AP5Z1: variants seen among roughly 807,000 people sequenced by gnomAD.
AP5Z1 encodes the protein adaptor related protein complex 5 subunit zeta 1.
A neutral mutation model predicts 83.0 loss-of-function variants in AP5Z1; 106 were observed. That is an observed-to-expected ratio of 1.28 (90% confidence interval 1.09 to 1.50). The LOEUF (loss-of-function observed/expected upper bound fraction) is 1.50. AP5Z1 is among the 40% of genes most tolerant of loss of function. The pLI is 0.00. For synonymous variants in AP5Z1, 751 were observed against 514.1 expected, an observed-to-expected ratio of 1.46 and a Z score of -6.23; for missense variants, 1,565 against 1,094.2, an observed-to-expected ratio of 1.43 and a Z score of -6.07.
intron 1 of AP5Z1, among the ~76,000 whole-genome samples, chr7:4,778,964 C>G (rs1438982151): frequency 6.8e-6 from 1 of 146,410 alleles, no homozygotes; most frequent in Non-Finnish European, 1.5e-5. Flanking sequence ...GCTAGAAGAT[C>G]AGGCTGCAGT....
Position 4,785,574 on chromosome 7 carries a change from C to T in AP5Z1, c.1022C>T (p.Ser341Phe). Reference sequence around the variant, plus strand: ...GACGTGCTGTGCCGGCAGGACCCGTCCTTCCTGTACCGAAGTCTCTCCTGC... The same window carrying T: ...GACGTGCTGTGCCGGCAGGACCCGTTCTTCCTGTACCGAAGTCTCTCCTGC... ...VLDVLCRQDPSFLYRSLSCLK... is the reference protein window; with the variant it reads ...VLDVLCRQDPFFLYRSLSCLK... The change falls in exon 9 of 17, where the codon TCC becomes TTC. Residue 341 changes from serine to phenylalanine, a missense_variant. Physicochemically the swap from Ser to Phe is radical, Grantham distance 155. Transcript: ENST00000649063. 2 of 1,607,698 alleles carry T rather than the reference C, an allele frequency of 1.2e-6. No individual in the cohort carries two copies. The highest frequency in any genetic ancestry group is 1.7e-6 in the Non-Finnish European group (2 of 1,178,104).
At position 4,789,831 on chromosome 7, in the gene AP5Z1, G is replaced by C. The variant is rs1333021554; in HGVS notation, c.1708-1G>C. 2 of 1,551,312 alleles carry C rather than the reference G, an allele frequency of 1.3e-6. No homozygotes were observed. The highest frequency in any genetic ancestry group is 2.7e-5 in the African/African-American group (2 of 73,042). The stretch of plus-strand genomic sequence containing the variant: ...GCCTGTTTCCCACTCCTGACCCCCA[G>C]GTGGCTGACGGGTCCCTGATCAACC... On this transcript the variant is annotated splice_acceptor_variant, in intron 13 of 16. Coordinates refer to ENST00000649063, the MANE Select transcript of AP5Z1 (RefSeq NM_014855.3). LOFTEE classifies it high-confidence loss of function.
At chr7:4,777,166 GAT>G (rs59162658) in intron 1 of AP5Z1, among the ~76,000 whole-genome samples, 8,213 of 152,156 alleles carry the variant, frequency 0.054, 298 homozygotes, top group South Asian at 0.19. Context: ...ATCCTGGACA[GAT>G]ATGTCATTCA....
chr7:4,783,785 C>T lies in AP5Z1; in HGVS notation c.608C>T (p.Pro203Leu), dbSNP rs1389053712. 1.9e-6 allele frequency: 3 copies of T among 1,549,082 alleles called. No individual in the cohort carries two copies. The highest frequency in any genetic ancestry group is 4.9e-5 in the East Asian group (2 of 40,912). ...CACTCCGGCGGCTTCTTCTCCACGC[C>T]CAGGGCCCGGCAGGTGAGGCTGGGA... ...LPHSGGFFST[P>L]RARQPGPVTE... The change falls in exon 5 of 17, where the codon CCC becomes CTC. Residue 203 changes from proline to leucine, a missense_variant. Pro to Leu is a moderately conservative substitution (Grantham distance 98, BLOSUM62 -3). Transcript: ENST00000649063.
At chr7:4,785,245 G>A (rs545757697) in intron 7 of AP5Z1, among the ~76,000 whole-genome samples, 170 bp from the exon 8 acceptor site, 35 of 152,272 alleles carry the variant, frequency 2.3e-4, no homozygotes, top group African/African-American at 8.2e-4. Context: ...CCCCCAGCCC[G>A]GCCCTGTCCC....
intron 3 of AP5Z1, among the ~76,000 whole-genome samples, chr7:4,782,985 G>C (rs973199768): frequency 6.6e-6 from 1 of 152,110 alleles, no homozygotes; most frequent in Admixed American, 6.5e-5. Flanking sequence ...TTAAAGACTG[G>C]GATCCACACT....
intron 7 of AP5Z1, 66 bp downstream of exon 7, chr7:4,785,114 G>C (rs570353419): frequency 7.8e-6 from 12 of 1,533,706 alleles, no homozygotes; most frequent in Non-Finnish European, 1.8e-6. Flanking sequence ...AAGGCCACCT[G>C]AGGCCAGCAC....
In AP5Z1 at chr7:4,792,362, A is replaced by G. The variant is rs1480957767; in HGVS notation, c.*977A>G. The G allele has an allele frequency of 8.9e-5, 3 of 33,794 alleles. No homozygotes were observed. Among genetic ancestry groups the G allele is most frequent in the African/African-American group, 1.3e-4 (1 of 7,936 alleles). The allele number at this position is 33,794 out of a possible 1,614,324, so 2.1% of individuals were successfully genotyped here. Reference sequence around the variant, plus strand: ...CTCCTCTTTTGCTCTGGCCCCGCCCACCTCCCCTCCGGCCTCGGCCCCGCC... The same window carrying G: ...CTCCTCTTTTGCTCTGGCCCCGCCCGCCTCCCCTCCGGCCTCGGCCCCGCC... On this transcript the variant is annotated 3_prime_UTR_variant, in exon 17 of 17. Transcript: ENST00000649063.
intron 1 of AP5Z1, 25 bp downstream of exon 1, chr7:4,775,781 C>T: frequency 1.2e-6 from 2 of 1,600,416 alleles, no homozygotes; most frequent in South Asian, 1.1e-5. Context: ...CGGCCCCGGC[C>T]CTCCTTCCTG....
At chr7:4,788,972 C>A in intron 13 of AP5Z1, 21 bp downstream of exon 13, 2 of 1,598,764 alleles carry the variant, frequency 1.3e-6, no homozygotes, top group Non-Finnish European at 1.7e-6. Flanking sequence ...TGCCTGGGGC[C>A]CCCCATTCCC....
intron 3 of AP5Z1, 70 bp downstream of exon 3, chr7:4,781,824 CAG>C: frequency 6.9e-7 from 1 of 1,440,982 alleles, no homozygotes; most frequent in Admixed American, 2.5e-5. Flanking sequence ...AGACAGGAAG[CAG>C]GGGCGCCAGA....
intron 9 of AP5Z1, 71 bp from the exon 10 acceptor site, chr7:4,786,179 C>G: frequency 6.8e-7 from 1 of 1,460,416 alleles, no homozygotes; most frequent in Non-Finnish European, 9.1e-7. Context: ...GACTCAGGGC[C>G]CCTAACCAGT....
intron 1 of AP5Z1, among the ~76,000 whole-genome samples, chr7:4,776,943 C>T (rs17135109): frequency 0.06 from 9,196 of 152,108 alleles, 547 homozygotes; most frequent in African/African-American, 0.16. Flanking sequence ...CAAACCTGGA[C>T]TCAGAGCTAG....
At chr7:4,780,625 G>A (rs1258600140) in intron 1 of AP5Z1, among the ~76,000 whole-genome samples, 1 of 152,176 alleles carries the variant, frequency 6.6e-6, no homozygotes, top group Non-Finnish European at 1.5e-5. Context: ...AATTAGCCGG[G>A]CGTGGTGGTG....
intron 6 of AP5Z1, among the ~76,000 whole-genome samples, chr7:4,784,603 C>T (rs1316130470): frequency 1.3e-5 from 2 of 152,160 alleles, no homozygotes; most frequent in African/African-American, 2.4e-5. Flanking sequence ...CCCCGTGACC[C>T]TCATGCAATG....
chr7:4,781,875 C>T (rs1781392259), intron 3 of AP5Z1, 121 bp downstream of exon 3: 2 of 1,196,826 alleles, frequency 1.7e-6, no homozygotes, highest in Non-Finnish European at 2.2e-6. Flanking sequence ...CATCTCGGTG[C>T]TGAGTGCCTG....
intron 10 of AP5Z1, among the ~76,000 whole-genome samples, chr7:4,786,922 C>G (rs928895859): frequency 5.3e-5 from 8 of 152,104 alleles, no homozygotes; most frequent in Admixed American, 6.5e-5. Flanking sequence ...AGGCACCCAC[C>G]ACCATGTCCA....
At chr7:4,783,498 G>C (rs1562406083) in intron 4 of AP5Z1, 38 bp downstream of exon 4, 8 of 1,601,918 alleles carry the variant, frequency 5.0e-6, no homozygotes, top group African/African-American at 1.3e-5. Context: ...TTGGGGGTCT[G>C]CCTTCCCAGG....
intron 2 of AP5Z1, 124 bp from the exon 3 acceptor site, chr7:4,781,444 C>G: frequency 6.5e-7 from 1 of 1,536,000 alleles, no homozygotes; most frequent in Admixed American, 1.8e-5. Context: ...TGCTGAAGGT[C>G]CATCCTCATG....
Sources: gnomAD v4.1 joint callset for allele counts (sites outside exome capture counted in the v4.1 genomes callset) on GRCh38, gnomAD v4.1.1 for gene constraint, MANE v1.5 for transcripts, NCBI Gene and HGNC (gene_info 2026-07-23, HGNC 2026-07-21) for gene names.